The following CNTNAP2 variants were observed in gnomAD, a reference collection of about 807,000 sequenced individuals.
CNTNAP2 encodes contactin associated protein 2.
CNTNAP2 carries 98 observed loss-of-function variants against 155.2 expected under a neutral mutation model. The ratio of observed to expected loss-of-function variants is 0.63; its 90% CI spans 0.54 to 0.75. CNTNAP2 has a LOEUF of 0.75. Among genes scored for constraint, CNTNAP2 ranks in the 30% least tolerant of loss-of-function variants. CNTNAP2 has a pLI of 0.00. For missense variants in CNTNAP2, 1,727 were observed against 1,688.1 expected, an observed-to-expected ratio of 1.02 and a Z score of -0.40; for synonymous variants, 651 against 631.2, an observed-to-expected ratio of 1.03 and a Z score of -0.47.
chr7:146,724,598 G>C (rs1490868259), intron 1 of CNTNAP2, among the ~76,000 whole-genome samples: 1 of 112,950 alleles, frequency 8.9e-6, no homozygotes, highest in Non-Finnish European at 1.7e-5. Context: ...TTGAGACAGA[G>C]TCTCGCTCTG....
intron 18 of CNTNAP2, among the ~76,000 whole-genome samples, chr7:148,189,225 C>T (rs1220129769): frequency 1.3e-5 from 2 of 152,066 alleles, no homozygotes; most frequent in Non-Finnish European, 1.5e-5. Flanking sequence ...AAAATGGTAA[C>T]CTATTTGCCT....
intron 1 of CNTNAP2, among the ~76,000 whole-genome samples, chr7:146,658,893 T>C (rs1800038087): frequency 2.0e-5 from 3 of 152,180 alleles, no homozygotes; most frequent in Admixed American, 2.0e-4. Flanking sequence ...AAGGTGGTAT[T>C]AGGCAGAGAT....
At chr7:146,486,648 C>G (rs1797062775) in intron 1 of CNTNAP2, among the ~76,000 whole-genome samples, 1 of 151,998 alleles carries the variant, frequency 6.6e-6, no homozygotes, top group South Asian at 2.1e-4. Flanking sequence ...AATCAGAGTG[C>G]CCATGGAAGT....
At chr7:147,943,660 T>C (rs1353499111) in intron 14 of CNTNAP2, among the ~76,000 whole-genome samples, 1 of 147,552 alleles carries the variant, frequency 6.8e-6, no homozygotes, top group Non-Finnish European at 1.5e-5. Flanking sequence ...TCCCAACTAC[T>C]TGGGAGGCTG....
At chr7:147,544,140 A>G (rs887880137) in intron 11 of CNTNAP2, among the ~76,000 whole-genome samples, 1 of 152,192 alleles carries the variant, frequency 6.6e-6, no homozygotes, top group Admixed American at 6.6e-5. Flanking sequence ...GCCATCAGAG[A>G]TCTGTAAAAA....
intron 12 of CNTNAP2, among the ~76,000 whole-genome samples, chr7:147,603,410 A>G (rs956974441): frequency 6.6e-6 from 1 of 152,136 alleles, no homozygotes; most frequent in African/African-American, 2.4e-5. Context: ...AATCACAAGC[A>G]TTCTTATACA....
intron 22 of CNTNAP2, among the ~76,000 whole-genome samples, chr7:148,389,090 C>T (rs955654190): frequency 3.9e-5 from 6 of 152,184 alleles, no homozygotes; most frequent in South Asian, 2.1e-4. Flanking sequence ...AGAAATCACC[C>T]ATCTTCTGCG....
chr7:146,952,780 G>T (rs1309420718), intron 3 of CNTNAP2, among the ~76,000 whole-genome samples: 3 of 151,966 alleles, frequency 2.0e-5, no homozygotes, highest in Non-Finnish European at 4.4e-5. Context: ...AATAAGAAAG[G>T]ACTTTTCTTA....
chr7:147,177,207 G>A (rs1802366670), intron 8 of CNTNAP2, among the ~76,000 whole-genome samples: 1 of 151,694 alleles, frequency 6.6e-6, no homozygotes, highest in African/African-American at 2.4e-5. Flanking sequence ...ACTTTGATAT[G>A]GTTTGGCTCT....
chr7:148,108,440 GA>G (rs762194376), intron 15 of CNTNAP2, among the ~76,000 whole-genome samples: 86 of 152,082 alleles, frequency 5.7e-4, no homozygotes, highest in Non-Finnish European at 9.8e-4. Flanking sequence ...GCAGAGGAAG[GA>G]AAGAGATGAC....
chr7:146,627,838 G>A (rs1799445268), intron 1 of CNTNAP2, among the ~76,000 whole-genome samples: 1 of 151,938 alleles, frequency 6.6e-6, no homozygotes, highest in African/African-American at 2.4e-5. Context: ...GCACCAAAAT[G>A]GAAAAAATAA....
intron 21 of CNTNAP2, among the ~76,000 whole-genome samples, chr7:148,317,342 T>C (rs894639771): frequency 1.4e-4 from 21 of 148,388 alleles, no homozygotes; most frequent in Non-Finnish European, 6.0e-5. Context: ...GCAACAAGAA[T>C]GAAACTCCAT....
At chr7:147,373,376 TA>T (rs1196876016) in intron 9 of CNTNAP2, among the ~76,000 whole-genome samples, 1 of 152,116 alleles carries the variant, frequency 6.6e-6, no homozygotes, top group Non-Finnish European at 1.5e-5. Context: ...GATGTAGTTT[TA>T]AATTTTTTAA....
chr7:147,849,724 C>T (rs1272848879), intron 13 of CNTNAP2, among the ~76,000 whole-genome samples: 6 of 152,180 alleles, frequency 3.9e-5, no homozygotes, highest in Admixed American at 1.3e-4. Flanking sequence ...CTCTGTGGAC[C>T]CAGCCATGCC....
At chr7:146,861,154 G>C (rs904667859) in intron 3 of CNTNAP2, among the ~76,000 whole-genome samples, 1 of 151,894 alleles carries the variant, frequency 6.6e-6, no homozygotes, top group East Asian at 1.9e-4. Flanking sequence ...TCCGCCTCCC[G>C]GGTTCAAGCG....
intron 1 of CNTNAP2, among the ~76,000 whole-genome samples, chr7:146,447,372 G>A (rs1250164011): frequency 6.6e-6 from 1 of 151,966 alleles, no homozygotes; most frequent in Non-Finnish European, 1.5e-5. Context: ...TTGAGGTTCA[G>A]CAATGCATTA....
chr7:148,105,801 C>T (rs1317578153), intron 15 of CNTNAP2, among the ~76,000 whole-genome samples: 1 of 152,040 alleles, frequency 6.6e-6, no homozygotes, highest in East Asian at 1.9e-4. Context: ...TGGCCAGGCT[C>T]GTCTTGAACT....
chr7:147,969,069 C>G (rs566672975), intron 14 of CNTNAP2, among the ~76,000 whole-genome samples: 7 of 152,268 alleles, frequency 4.6e-5, no homozygotes, highest in Non-Finnish European at 8.8e-5. Context: ...GTCTCCTTCT[C>G]TCTTTTTGGT....
intron 1 of CNTNAP2, among the ~76,000 whole-genome samples, chr7:146,574,106 T>G (rs564408014): frequency 2.5e-4 from 38 of 152,278 alleles, no homozygotes; most frequent in Middle Eastern, 3.4e-3. Context: ...GATTCGAGTC[T>G]GGAGATAAAG....
Sources: allele counts gnomAD v4.1 joint callset (sites outside exome capture counted in the v4.1 genomes callset), GRCh38; gene constraint gnomAD v4.1.1; transcripts MANE v1.5; gene names NCBI Gene and HGNC (gene_info 2026-07-23, HGNC 2026-07-21).